Variants in RIMS2 observed in about 807,000 individuals in gnomAD.
RIMS2 encodes regulating synaptic membrane exocytosis 2.
In RIMS2, 59 loss-of-function variants were observed where a neutral mutation model predicts 174.4. The observed-to-expected ratio is 0.34, with a 90% CI of 0.27 to 0.42. RIMS2 has a LOEUF of 0.42. Among genes scored for constraint, RIMS2 ranks in the 10% least tolerant of loss-of-function variants. RIMS2 has a pLI of 1.00. For missense variants in RIMS2, 1,620 were observed against 1,666.3 expected (o/e 0.97, Z 0.48); for synonymous variants, 606 against 572.5 (o/e 1.06, Z -0.84).
At chr8:104,168,700 A>G (rs766824028) in intron 19 of RIMS2, among the ~76,000 whole-genome samples, 18 of 152,130 alleles carry the variant, frequency 1.2e-4, no homozygotes, top group Non-Finnish European at 2.1e-4. Flanking sequence ...AGAAGTGGTG[A>G]AAGTGGGCAT....
intron 2 of RIMS2, among the ~76,000 whole-genome samples, chr8:103,739,295 C>T (rs28674864): frequency 0.23 from 34,966 of 152,026 alleles, 4,313 homozygotes; most frequent in Non-Finnish European, 0.25. Flanking sequence ...ACCCAAACAC[C>T]GCATGTTCTC....
chr8:104,022,509 G>A (rs902147305), intron 19 of RIMS2, among the ~76,000 whole-genome samples: 3 of 152,132 alleles, frequency 2.0e-5, no homozygotes, highest in African/African-American at 4.8e-5. Context: ...AGCCTTCTGA[G>A]TAGCTGGGAT....
At chr8:103,851,317 A>G (rs1426679437) in intron 3 of RIMS2, among the ~76,000 whole-genome samples, 1 of 151,870 alleles carries the variant, frequency 6.6e-6, no homozygotes, top group Non-Finnish European at 1.5e-5. Context: ...TGTAAGCTAT[A>G]TGTTTTGCTA....
chr8:103,610,364 T>G lies in RIMS2; in HGVS notation c.177-86722T>G, dbSNP rs536142432. On this transcript the variant is annotated intron_variant, in intron 1 of 23. Coordinates refer to ENST00000504942, the Ensembl canonical transcript of RIMS2. ...TTGCTCTGGTCAGGACTTCCAATAC[T>G]TTGTTGAATAGGAGTGGTGATAGAG... is the stretch of plus-strand genomic sequence containing the variant. Among the ~76,000 whole-genome samples, 7 of 152,316 alleles carry G rather than the reference T, an allele frequency of 4.6e-5. No individual in the cohort carries two copies. The South Asian group carries it at 1.4e-3, about 32-fold the overall frequency.
At chr8:103,899,696 T>C (rs2099316238) in intron 4 of RIMS2, among the ~76,000 whole-genome samples, 1 of 151,784 alleles carries the variant, frequency 6.6e-6, no homozygotes, top group South Asian at 2.1e-4. Context: ...GGTAGTTTCT[T>C]TTGCTGTGCA....
At chr8:103,548,705 A>T (rs1846207841) in intron 1 of RIMS2, among the ~76,000 whole-genome samples, 1 of 152,168 alleles carries the variant, frequency 6.6e-6, no homozygotes, top group Admixed American at 6.6e-5. Flanking sequence ...AATGCATTTA[A>T]ATAGGAAGAG....
Position 104,225,001 on chromosome 8 carries a change from A to G in RIMS2, c.3335-19915A>G, listed in dbSNP as rs1429966717. 4.6e-5 allele frequency among the ~76,000 whole-genome samples: 7 copies of G among 152,224 alleles called. No homozygotes were observed. The East Asian group carries it at 1.3e-3, about 29-fold the overall frequency. On this transcript the variant is annotated intron_variant, in intron 19 of 23. Transcript: ENST00000504942. ...CTAGTCCTTTTCTGTTTTTGTTTGT[A>G]CGTTTACGTTTCACTTGCTTCCTAT...
chr8:103,548,574 C>T (rs1846151902), intron 1 of RIMS2, among the ~76,000 whole-genome samples: 2 of 151,248 alleles, frequency 1.3e-5, no homozygotes, highest in Non-Finnish European at 3.0e-5. Flanking sequence ...ATTGAATGGG[C>T]AAAAGCTGGA....
At chr8:103,833,582 A>G (rs1451689320) in intron 3 of RIMS2, among the ~76,000 whole-genome samples, 1 of 151,768 alleles carries the variant, frequency 6.6e-6, no homozygotes, top group Non-Finnish European at 1.5e-5. Flanking sequence ...TGTTCTTTAG[A>G]TTAATTTTAA....
chr8:103,528,908 G>C (rs142532960), intron 1 of RIMS2, among the ~76,000 whole-genome samples: 17,650 of 152,168 alleles, frequency 0.12, 1,365 homozygotes, highest in Non-Finnish European at 0.17. Flanking sequence ...CTTTAAAGTA[G>C]TTTTTTCCAA....
At chr8:103,506,108 A>G (rs1823466424) in intron 1 of RIMS2, among the ~76,000 whole-genome samples, 1 of 152,144 alleles carries the variant, frequency 6.6e-6, no homozygotes, top group Admixed American at 6.5e-5. Flanking sequence ...TTGCATATGT[A>G]AACCACTGTT....
intron 2 of RIMS2, among the ~76,000 whole-genome samples, chr8:103,701,135 C>T (rs2097161784): frequency 6.6e-6 from 1 of 151,890 alleles, no homozygotes; most frequent in Admixed American, 6.6e-5. Context: ...GTATTTCCTT[C>T]AGTATTTCTT....
chr8:103,977,427 T>C (rs1267588125), intron 16 of RIMS2: 1 of 152,184 alleles, frequency 6.6e-6, no homozygotes, highest in Non-Finnish European at 1.5e-5. Context: ...ATTGAACCCT[T>C]CCCTCCTCTA....
intron 3 of RIMS2, among the ~76,000 whole-genome samples, chr8:103,831,102 C>G (rs900612155): frequency 6.6e-6 from 1 of 152,144 alleles, no homozygotes; most frequent in Non-Finnish European, 1.5e-5. Context: ...AGCCATCGTG[C>G]CTGGATTATG....
chr8:103,667,908 G>A (rs989730265), intron 1 of RIMS2, among the ~76,000 whole-genome samples: 1 of 152,188 alleles, frequency 6.6e-6, no homozygotes, highest in Non-Finnish European at 1.5e-5. Context: ...CCACAGTTTT[G>A]TTGCAGTGTG....
intron 1 of RIMS2, among the ~76,000 whole-genome samples, chr8:103,647,160 C>T (rs1344947789): frequency 6.6e-6 from 1 of 152,110 alleles, no homozygotes; most frequent in South Asian, 2.1e-4. Context: ...TTGAACCAAC[C>T]TTTTATTGTG....
chr8:103,817,840 G>A (rs924038309), intron 3 of RIMS2, among the ~76,000 whole-genome samples: 2 of 151,966 alleles, frequency 1.3e-5, no homozygotes, highest in Non-Finnish European at 2.9e-5. Context: ...TCCATAAAAT[G>A]ATGGTGGCAT....
chr8:104,129,157 G>A lies in RIMS2; in HGVS notation c.3334+114542G>A, dbSNP rs1362924025. 2.0e-5 allele frequency among the ~76,000 whole-genome samples: 3 copies of A among 151,904 alleles called. No individual in the cohort carries two copies. In the East Asian group the frequency reaches 5.8e-4, roughly 29 times the overall value. On this transcript the variant is annotated intron_variant, in intron 19 of 23. Transcript: ENST00000504942. ...CCCAGCATTTTGAGAGTGTGAGGCA[G>A]GATAGATCCCTTGAGCCCAGGAGTT...
intron 1 of RIMS2, among the ~76,000 whole-genome samples, chr8:103,595,493 G>A (rs1298132547): frequency 6.6e-6 from 1 of 151,810 alleles, no homozygotes; most frequent in African/African-American, 2.4e-5. Flanking sequence ...TTGGCAGAGG[G>A]AAGTAAGAAG....
Sources: gnomAD v4.1 joint callset for allele counts (sites outside exome capture counted in the v4.1 genomes callset) on GRCh38, gnomAD v4.1.1 for gene constraint, MANE v1.5 for transcripts, NCBI Gene and HGNC (gene_info 2026-07-23, HGNC 2026-07-21) for gene names.